Variants in IQSEC1 observed in about 807,000 individuals in gnomAD.
The protein encoded by IQSEC1 is IQ motif and SEC7 domain-containing protein 1.
Under a neutral mutation model 91.0 loss-of-function variants are expected in IQSEC1, and 31 were observed. That is an observed-to-expected ratio of 0.34 (90% CI 0.26 to 0.46). IQSEC1 has a LOEUF of 0.46. Among genes scored for constraint, IQSEC1 ranks in the 20% least tolerant of loss-of-function variants. The pLI is 1.00. For missense variants in IQSEC1, 1,388 were observed against 1,575.6 expected (o/e 0.88, Z 2.02); for synonymous variants, 699 against 662.6 (o/e 1.05, Z -0.84).
At chr3:13,163,154 G>T (rs1460788509) in intron 2 of IQSEC1, among the ~76,000 whole-genome samples, 2 of 152,060 alleles carry the variant, frequency 1.3e-5, no homozygotes, top group African/African-American at 4.8e-5. Flanking sequence ...ATAAGATTCA[G>T]CACCCCCTGT....
At chr3:13,228,847 C>A (rs1268474105) in intron 1 of IQSEC1, among the ~76,000 whole-genome samples, 5 of 152,238 alleles carry the variant, frequency 3.3e-5, no homozygotes, top group Non-Finnish European at 7.3e-5. Flanking sequence ...CCCTTCAGGA[C>A]TTGGTGTAAA....
intron 1 of IQSEC1, among the ~76,000 whole-genome samples, chr3:13,164,849 C>G (rs1486402423): frequency 6.6e-6 from 1 of 152,200 alleles, no homozygotes; most frequent in Non-Finnish European, 1.5e-5. Context: ...GGGCTTTGAG[C>G]AAACACATTC....
chr3:13,112,038 A>C (rs1706255401), intron 2 of IQSEC1, among the ~76,000 whole-genome samples: 1 of 152,052 alleles, frequency 6.6e-6, no homozygotes, highest in South Asian at 2.1e-4. Flanking sequence ...TGTTCCCTGC[A>C]CTTGCCCGCT....
intron 1 of IQSEC1, among the ~76,000 whole-genome samples, chr3:13,252,639 C>T (rs1695213929): frequency 6.6e-6 from 1 of 152,226 alleles, no homozygotes; most frequent in Non-Finnish European, 1.5e-5. Flanking sequence ...ACAGTGGCGG[C>T]ACCATTTACA....
chr3:13,053,030 A>G (rs1212704732), intron 1 of IQSEC1: 2 of 1,149,676 alleles, frequency 1.7e-6, no homozygotes, highest in Non-Finnish European at 2.6e-6. Context: ...TTTTATTACC[A>G]GTTTTCATCC....
intron 1 of IQSEC1, among the ~76,000 whole-genome samples, chr3:13,204,794 T>G (rs1440435804): frequency 2.7e-5 from 4 of 148,038 alleles, no homozygotes; most frequent in Non-Finnish European, 6.1e-5. Context: ...TTTCTCTTTC[T>G]ATCTTTCTTT....
At chr3:13,024,404 TC>T (rs1703529545) in intron 1 of IQSEC1, among the ~76,000 whole-genome samples, 1 of 147,708 alleles carries the variant, frequency 6.8e-6, no homozygotes, top group African/African-American at 2.5e-5. Flanking sequence ...CATCCATCCA[TC>T]CATCCATCCA....
At position 13,103,037 on chromosome 3, in the gene IQSEC1, G is replaced by A. The variant is rs139829819; in HGVS notation, c.303-55515C>T. Among the ~76,000 whole-genome samples, 617 of 152,228 alleles carry A rather than the reference G, an allele frequency of 4.1e-3. 4 individuals are homozygous for A. Among genetic ancestry groups the A allele is most frequent in the Non-Finnish European group, 5.7e-3 (385 of 68,022 alleles). Reference sequence around the variant, plus strand: ...GGTGCCCCCCTACCTCAACCTGTGGGCTGGATGTCGGAAGGGACTCTGACT... The same window carrying A: ...GGTGCCCCCCTACCTCAACCTGTGGACTGGATGTCGGAAGGGACTCTGACT... On this transcript the variant is annotated intron_variant, in intron 2 of 15. Transcript: ENST00000648114. The surrounding 1 kb of genome is among the most constrained non-coding windows in gnomAD (Gnocchi z 4.1).
Position 12,948,950 on chromosome 3 carries a change from A to G in IQSEC1, c.24-7085T>C, listed in dbSNP as rs77473566. On this transcript the variant is annotated intron_variant, in intron 1 of 13. Coordinates refer to ENST00000613206, the MANE Select transcript of IQSEC1 (RefSeq NM_001134382.3). Reference sequence around the variant, plus strand: ...CATATACATACGCAAACACAAGTATACACGGGTCTGAATTATACAGCAGCA... The same window carrying G: ...CATATACATACGCAAACACAAGTATGCACGGGTCTGAATTATACAGCAGCA... Among the ~76,000 whole-genome samples, 455 of 152,326 alleles carry G rather than the reference A, an allele frequency of 3.0e-3. 2 individuals carry two copies. The highest frequency in any genetic ancestry group is 0.017 in the Middle Eastern group (5 of 294).
chr3:13,223,392 C>T (rs1352027860), intron 1 of IQSEC1, among the ~76,000 whole-genome samples: 1 of 152,172 alleles, frequency 6.6e-6, no homozygotes, highest in Non-Finnish European at 1.5e-5. Flanking sequence ...GAGATAGGAG[C>T]GCGCCACCTC....
intron 1 of IQSEC1, among the ~76,000 whole-genome samples, chr3:12,984,925 T>C (rs1266162834): frequency 1.4e-5 from 2 of 146,234 alleles, no homozygotes; most frequent in Admixed American, 6.9e-5. Context: ...CTTGGGTTCA[T>C]GCCATTCTCC....
At chr3:13,015,617 C>T (rs1186570851) in intron 1 of IQSEC1, 11 of 985,386 alleles carry the variant, frequency 1.1e-5, no homozygotes, top group Non-Finnish European at 1.3e-5. Flanking sequence ...CCTGGAACCC[C>T]AGTGCCTGGC....
chr3:13,110,488 C>T (rs1336094118), intron 2 of IQSEC1, among the ~76,000 whole-genome samples: 1 of 152,244 alleles, frequency 6.6e-6, no homozygotes, highest in Admixed American at 6.5e-5. Context: ...ACTTGGGAGG[C>T]TGAGGCAGGA....
At chr3:13,082,867 C>A (rs1299197587) in intron 2 of IQSEC1, among the ~76,000 whole-genome samples, 2 of 152,190 alleles carry the variant, frequency 1.3e-5, no homozygotes, top group African/African-American at 2.4e-5. Context: ...GTCAGCCCCC[C>A]ACTCCCAAGC....
intron 1 of IQSEC1, among the ~76,000 whole-genome samples, chr3:13,275,563 C>T (rs975164371): frequency 6.6e-6 from 1 of 152,216 alleles, no homozygotes; most frequent in Non-Finnish European, 1.5e-5. Context: ...TGCCTTGACA[C>T]CATCCTCCTC....
At chr3:13,092,639 T>C (rs1251752165) in intron 2 of IQSEC1, among the ~76,000 whole-genome samples, 1 of 152,062 alleles carries the variant, frequency 6.6e-6, no homozygotes, top group Non-Finnish European at 1.5e-5. Flanking sequence ...ATGGGAGAAG[T>C]CAATTTTAGC....
At chr3:12,953,482 T>G (rs372745112) in intron 1 of IQSEC1, among the ~76,000 whole-genome samples, 1 of 152,204 alleles carries the variant, frequency 6.6e-6, no homozygotes, top group Non-Finnish European at 1.5e-5. Context: ...CCTCCAGAAG[T>G]GGCTTTTATA....
chr3:13,168,960 G>A (rs1001643341), intron 1 of IQSEC1, among the ~76,000 whole-genome samples: 5 of 152,140 alleles, frequency 3.3e-5, no homozygotes, highest in South Asian at 4.1e-4. Context: ...CTAATAGAAC[G>A]TCAGCTCCAT....
At chr3:13,281,319 C>A (rs1695785341) in intron 1 of IQSEC1, among the ~76,000 whole-genome samples, 1 of 152,104 alleles carries the variant, frequency 6.6e-6, no homozygotes, top group African/African-American at 2.4e-5. Context: ...CTCCGGAGGG[C>A]CAGGAGTGGG....
Sources: gnomAD v4.1 joint callset for allele counts (sites outside exome capture counted in the v4.1 genomes callset) on GRCh38, gnomAD v4.1.1 for gene constraint, Gnocchi (gnomAD v3.1) non-coding constraint, MANE v1.5 for transcripts, NCBI Gene and HGNC (gene_info 2026-07-23, HGNC 2026-07-21) for gene names.